CDK19: variants seen among roughly 807,000 people sequenced by gnomAD.
The protein encoded by CDK19 is cyclin dependent kinase 19.
In CDK19, 20 loss-of-function variants were observed where a neutral mutation model predicts 68.3. That is an observed-to-expected ratio of 0.29 (90% CI 0.21 to 0.43). The LOEUF (loss-of-function observed/expected upper bound fraction) is 0.43, where lower values mean the gene tolerates loss of function less well. Ranked by LOEUF, CDK19 falls within the 20% of genes least tolerant of loss-of-function variation. The pLI is 1.00. For synonymous variants in CDK19, 221 were observed against 222.8 expected (o/e 0.99, Z 0.07); for missense variants, 339 against 623.5 (o/e 0.54, Z 4.86).
Position 110,614,442 on chromosome 6 carries a change from A to G in CDK19, c.*93T>C. The G allele has an allele frequency of 1.6e-6, 2 of 1,243,218 alleles. No individual in the cohort carries two copies. The highest frequency in any genetic ancestry group is 2.3e-6 in the Non-Finnish European group (2 of 879,512). The allele number at this position is 1,243,218 out of a possible 1,614,324, so 77.0% of individuals were successfully genotyped here. A position where few individuals can be genotyped will look rare whatever the true frequency, so the allele number is the denominator to read the frequency against. On this transcript the variant is annotated 3_prime_UTR_variant, in exon 13 of 13. Transcript: ENST00000368911. ...CCCATGTGTATGAGTTTTAAATGGC[A>G]TCATAGTTTGCATTTTTTTGGTTCT... is the stretch of plus-strand genomic sequence containing the variant.
At chr6:110,786,713 T>C (rs140173904) in intron 1 of CDK19, among the ~76,000 whole-genome samples, 196 of 150,380 alleles carry the variant, frequency 1.3e-3, no homozygotes, top group Non-Finnish European at 2.2e-3. Flanking sequence ...CATTGGGCTA[T>C]GGGGAATCAC....
intron 1 of CDK19, among the ~76,000 whole-genome samples, chr6:110,811,734 T>C (rs562343312): frequency 1.2e-4 from 19 of 152,250 alleles, no homozygotes; most frequent in African/African-American, 4.6e-4. Context: ...CTTGTTTCTC[T>C]TCAAGAGTAA....
At chr6:110,666,623 C>T (rs1236861181) in intron 4 of CDK19, among the ~76,000 whole-genome samples, 3 of 152,010 alleles carry the variant, frequency 2.0e-5, no homozygotes, top group African/African-American at 7.2e-5. Flanking sequence ...ATAAACACTG[C>T]TCATCAGTTA....
intron 1 of CDK19, among the ~76,000 whole-genome samples, chr6:110,769,785 A>G (rs1374032225): frequency 1.3e-5 from 2 of 152,106 alleles, no homozygotes; most frequent in East Asian, 3.8e-4. Context: ...GAGTATTCCT[A>G]TGTCTTGATA....
intron 1 of CDK19, among the ~76,000 whole-genome samples, chr6:110,748,612 A>G (rs1325123570): frequency 6.6e-6 from 1 of 152,250 alleles, no homozygotes; most frequent in Non-Finnish European, 1.5e-5. Flanking sequence ...GCAAGGTCCC[A>G]GAGGGCATAT....
At chr6:110,676,964 A>G (rs1336314184) in intron 2 of CDK19, among the ~76,000 whole-genome samples, 1 of 152,168 alleles carries the variant, frequency 6.6e-6, no homozygotes, top group East Asian at 1.9e-4. Flanking sequence ...CCTAATCCCC[A>G]AATTTGCATT....
At chr6:110,672,522 A>G (rs1039697237) in intron 2 of CDK19, among the ~76,000 whole-genome samples, 1 of 152,248 alleles carries the variant, frequency 6.6e-6, no homozygotes, top group African/African-American at 2.4e-5. Context: ...TTCAAAAATC[A>G]AAGTATATAC....
At chr6:110,815,677 G>C (rs1425497131), upstream of CDK19, 2 of 152,704 alleles carry the variant, frequency 1.3e-5, no homozygotes, top group East Asian at 1.9e-4. Context: ...AAGGTAGAAA[G>C]CTCGAAGTTC....
intron 1 of CDK19, among the ~76,000 whole-genome samples, chr6:110,767,634 G>A (rs1012914973): frequency 6.6e-6 from 1 of 151,924 alleles, no homozygotes; most frequent in African/African-American, 2.4e-5. Context: ...GGGATTACTG[G>A]TGTGAGCCAC....
intron 2 of CDK19, among the ~76,000 whole-genome samples, chr6:110,704,191 T>C (rs1774245475): frequency 6.6e-6 from 1 of 152,166 alleles, no homozygotes; most frequent in Admixed American, 6.5e-5. Context: ...CTAGCCAGGA[T>C]TGGGAACATA....
chr6:110,643,101 C>T (rs200568601), intron 4 of CDK19: 5 of 854,836 alleles, frequency 5.8e-6, no homozygotes, highest in Non-Finnish European at 7.9e-6. Flanking sequence ...CCTGCTACCC[C>T]ACAATCACTA....
chr6:110,662,772 A>C (rs1781696242), intron 4 of CDK19, among the ~76,000 whole-genome samples: 1 of 152,338 alleles, frequency 6.6e-6, no homozygotes, highest in East Asian at 1.9e-4. Flanking sequence ...ATTAAAATAC[A>C]TCTTTTCTCC....
At chr6:110,783,965 G>T (rs781523217) in intron 1 of CDK19, among the ~76,000 whole-genome samples, 1 of 151,924 alleles carries the variant, frequency 6.6e-6, no homozygotes, top group Non-Finnish European at 1.5e-5. Context: ...TTCGAGACCA[G>T]CCTGGCCAAC....
rs541982260 is a variant in CDK19, at chr6:110,613,637, C to T, written c.*898G>A. 2 of 152,692 alleles carry T rather than the reference C, an allele frequency of 1.3e-5. No homozygotes were observed. The highest frequency in any genetic ancestry group is 2.1e-4 in the South Asian group (1 of 4,822). 9.5% of individuals were successfully genotyped at this position (152,692 alleles called of 1,614,324 possible). A position where few individuals can be genotyped will look rare whatever the true frequency, so the allele number is the denominator to read the frequency against. ...ACTTTTCCTTCAAAGGGAAGTAACACGTCTTTTGATCAAAATTACTCCTTA... is the reference window on the plus strand; with the variant it reads ...ACTTTTCCTTCAAAGGGAAGTAACATGTCTTTTGATCAAAATTACTCCTTA... On this transcript the variant is annotated 3_prime_UTR_variant, in exon 13 of 13. Transcript: ENST00000368911.
At chr6:110,799,439 C>T (rs896859971) in intron 1 of CDK19, among the ~76,000 whole-genome samples, 5 of 152,004 alleles carry the variant, frequency 3.3e-5, no homozygotes, top group Non-Finnish European at 5.9e-5. Flanking sequence ...TGCTCAAGTC[C>T]CTGATATAAA....
At chr6:110,683,459 C>T (rs899838170) in intron 2 of CDK19, among the ~76,000 whole-genome samples, 1 of 152,078 alleles carries the variant, frequency 6.6e-6, no homozygotes, top group African/African-American at 2.4e-5. Context: ...CACAGCATTT[C>T]CTTGCCAAAG....
chr6:110,742,983 G>C (rs1030850407), intron 2 of CDK19, among the ~76,000 whole-genome samples: 2 of 151,940 alleles, frequency 1.3e-5, no homozygotes, highest in Admixed American at 6.6e-5. Context: ...CTGGTTTTGC[G>C]GCTCAGGGGA....
Position 110,621,263 on chromosome 6 carries a change from G to C in CDK19, c.1218C>G (p.Asn406Lys). 1 of 1,613,198 alleles carries C rather than the reference G, an allele frequency of 6.2e-7. No individual in the cohort carries two copies. The highest frequency in any genetic ancestry group is 8.5e-7 in the Non-Finnish European group (1 of 1,179,860). ...PPPQQNSTQT[N>K]GTAGGAGAGV... ...CGGCCCCAGCCCCACCTGCGGTCCCGTTGGTCTGGGTGCTGTTCTGCTGTG... is the reference window on the plus strand; with the variant it reads ...CGGCCCCAGCCCCACCTGCGGTCCCCTTGGTCTGGGTGCTGTTCTGCTGTG... The change falls in exon 12 of 13, where the codon AAC becomes AAG. Residue 406 changes from asparagine to lysine, a missense_variant. Physicochemically the swap from Asn to Lys is moderately conservative, Grantham distance 94. This residue lies in a region of CDK19 where 155 missense variants were observed against 222.7 expected (regional missense o/e 0.70). Transcript: ENST00000368911. This position sits in a 1 kb window ranked among gnomAD's most constrained non-coding sequence, Gnocchi z 5.4.
intron 2 of CDK19, among the ~76,000 whole-genome samples, chr6:110,716,343 C>A (rs568314276): frequency 3.3e-5 from 5 of 152,004 alleles, no homozygotes; most frequent in Non-Finnish European, 5.9e-5. Flanking sequence ...AAAACTCATA[C>A]TTTCTATTTA....
Sources: allele counts gnomAD v4.1 joint callset (sites outside exome capture counted in the v4.1 genomes callset), GRCh38; gene constraint gnomAD v4.1.1; regional missense constraint gnomAD v4.1.1; non-coding constraint Gnocchi (gnomAD v3.1); transcripts MANE v1.5; gene names NCBI Gene and HGNC (gene_info 2026-07-23, HGNC 2026-07-21).